Variants in RBM4 observed in about 807,000 individuals in gnomAD.
RBM4 encodes the protein RNA binding motif protein 4.
In RBM4, 7 loss-of-function variants were observed where a neutral mutation model predicts 29.5. That is an observed-to-expected ratio of 0.24 (90% CI 0.14 to 0.45). The LOEUF (loss-of-function observed/expected upper bound fraction) is 0.45, where lower values mean the gene tolerates loss of function less well. Among genes scored for constraint, RBM4 ranks in the 20% least tolerant of loss-of-function variants. The pLI, the probability that RBM4 is intolerant of heterozygous loss-of-function variation, is 1.00. For synonymous variants in RBM4, 220 were observed against 205.4 expected (o/e 1.07, Z -0.61); for missense variants, 387 against 502.3 (o/e 0.77, Z 2.19).
intron 1 of RBM4, 42 bp downstream of exon 1, chr11:66,638,794 T>TA (rs1315844350): frequency 1.3e-5 from 2 of 152,446 alleles, no homozygotes; most frequent in Non-Finnish European, 2.9e-5. Context: ...TGTACTGTGT[T>TA]AAATCTTCTC....
chr11:66,655,611 A>G (rs1938934842), intron 2 of RBM4, among the ~76,000 whole-genome samples: 1 of 152,200 alleles, frequency 6.6e-6, no homozygotes, highest in African/African-American at 2.4e-5. Context: ...AGATTTGAGC[A>G]ATGAGTTGAA....
chr11:66,648,790 G>GGGACAA (rs1938763258), downstream of RBM4, among the ~76,000 whole-genome samples: 1 of 151,698 alleles, frequency 6.6e-6, no homozygotes, highest in African/African-American at 2.4e-5. Flanking sequence ...TCAAGCCTGG[G>GGGACAA]GGACAAGGGC....
intron 2 of RBM4, among the ~76,000 whole-genome samples, chr11:66,659,526 G>A (rs1235857100): frequency 1.3e-5 from 2 of 151,838 alleles, no homozygotes; most frequent in African/African-American, 4.8e-5. Context: ...GGTTCTGCCC[G>A]CCTTGGCCTC....
Position 66,640,520 on chromosome 11 carries a change from C to A in RBM4, c.412+397C>A, listed in dbSNP as rs1316384274. On this transcript the variant is annotated intron_variant, in intron 2 of 3. Transcript: ENST00000310092. ...AGAATTCTGCATTTTACGTGAAGAA[C>A]CTCTCAAAAACATGTCAAGCGACAC... 7.8e-6 allele frequency: 3 copies of A among 382,984 alleles called. No homozygotes were observed. The Admixed American group carries it at 1.2e-4, about 16-fold the overall frequency. 23.7% of individuals were successfully genotyped at this position (382,984 alleles called of 1,614,324 possible). A position where few individuals can be genotyped will look rare whatever the true frequency, so the allele number is the denominator to read the frequency against.
In RBM4 at chr11:66,643,592, C is replaced by G; in HGVS notation, c.555C>G (p.Asp185Glu). ...CPIDRSGRVA[D>E]LTEQYNEQYG... Reference sequence around the variant, plus strand: ...TAGATCGTTCAGGCCGCGTGGCAGACTTGACCGAGCAATATAATGAGCAAT... The same window carrying G: ...TAGATCGTTCAGGCCGCGTGGCAGAGTTGACCGAGCAATATAATGAGCAAT... The change falls in exon 3 of 4, where the codon GAC becomes GAG. Residue 185 changes from aspartate to glutamate, a missense_variant. Coordinates refer to ENST00000310092, the MANE Select transcript of RBM4 (RefSeq NM_002896.4). This position sits in a 1 kb window ranked among gnomAD's most constrained non-coding sequence, Gnocchi z 6.1. The G allele has an allele frequency of 6.2e-7, 1 of 1,614,214 alleles. No individual in the cohort carries two copies. The highest frequency in any genetic ancestry group is 8.5e-7 in the Non-Finnish European group (1 of 1,180,048).
chr11:66,664,013 CTTT>C (rs1939144204), intron 2 of RBM4, among the ~76,000 whole-genome samples: 1 of 151,898 alleles, frequency 6.6e-6, no homozygotes, highest in African/African-American at 2.4e-5. Flanking sequence ...AACCTAAATC[CTTT>C]TTTGTTGTTT....
chr11:66,663,507 G>A (rs1939124391), intron 2 of RBM4, among the ~76,000 whole-genome samples: 2 of 152,102 alleles, frequency 1.3e-5, no homozygotes, highest in African/African-American at 4.8e-5. Flanking sequence ...TGGGACTACA[G>A]GCGCCCGCCA....
chr11:66,640,142 G>A lies in RBM4; in HGVS notation c.412+19G>A, dbSNP rs754595873. ...TTTCAAGGTGAACCACCCTCTTTGG[G>A]TAGAGGGCTGAACACAAGGCTGTGT... On this transcript the variant is annotated intron_variant, in intron 2 of 3. Transcript: ENST00000310092. The A allele has an allele frequency of 1.2e-6, 2 of 1,614,124 alleles. No individual in the cohort carries two copies. The highest frequency in any genetic ancestry group is 1.7e-6 in the Non-Finnish European group (2 of 1,179,964).
At position 66,643,718 on chromosome 11, in the gene RBM4, T is replaced by C; in HGVS notation, c.681T>C (p.Ala227=). 1 of 1,614,160 alleles carries C rather than the reference T, an allele frequency of 6.2e-7. No individual in the cohort carries two copies. The highest frequency in any genetic ancestry group is 8.5e-7 in the Non-Finnish European group (1 of 1,180,022). ...ATGCCTACTACAAGCGCTGCCGTGC[T>C]GCCCGGTCCTATGAGGCAGTGGCAG... The part of the protein sequence containing the change: ...ALDAYYKRCR[A]ARSYEAVAAA... Residue 227 remains alanine (A), a synonymous_variant, in exon 3 of 4, where the codon GCT becomes GCC. Coordinates refer to ENST00000310092, the MANE Select transcript of RBM4 (RefSeq NM_002896.4). This position sits in a 1 kb window ranked among gnomAD's most constrained non-coding sequence, Gnocchi z 6.1.
Position 66,639,972 on chromosome 11 carries a change from C to T in RBM4, c.261C>T (p.Pro87=), listed in dbSNP as rs1053311078. The T allele has an allele frequency of 6.2e-7, 1 of 1,614,054 alleles. No individual in the cohort carries two copies. The highest frequency in any genetic ancestry group is 8.5e-7 in the Non-Finnish European group (1 of 1,180,048). The change falls in exon 2 of 4, where the codon CCC becomes CCT. Residue 87 remains proline, a synonymous_variant. Coordinates refer to ENST00000310092, the MANE Select transcript of RBM4 (RefSeq NM_002896.4). ...STKLHVGNIS[P]TCTNKELRAK... ...AGTTGCATGTGGGCAACATCAGTCC[C>T]ACCTGCACCAATAAGGAGCTTCGAG...
At chr11:66,652,584 C>CT (rs564825170) in intron 2 of RBM4, among the ~76,000 whole-genome samples, 287 of 152,292 alleles carry the variant, frequency 1.9e-3, no homozygotes, top group African/African-American at 6.2e-3. Flanking sequence ...GCTAAGAACT[C>CT]TATTTTGTCA....
chr11:66,644,865 C>G, intron 3 of RBM4: 4 of 202,784 alleles, frequency 2.0e-5, no homozygotes, highest in Non-Finnish European at 3.5e-5. Context: ...GAATAGAGTG[C>G]CCACTCCATT....
In RBM4 at chr11:66,643,949, C is replaced by T. The variant is rs777866630; in HGVS notation, c.912C>T (p.Tyr304=). The change falls in exon 3 of 4, where the codon TAC becomes TAT. Residue 304 remains tyrosine (Y), a synonymous_variant. Transcript: ENST00000310092. The surrounding 1 kb of genome is among the most constrained non-coding windows in gnomAD (Gnocchi z 6.1). The stretch of plus-strand genomic sequence containing the variant: ...TTACTGCAGCTTCCACTTCATATTA[C>T]GGGCGGGATCGGAGCCCCCTGCGTC... The part of the protein sequence containing the change: ...AAVTAASTSY[Y]GRDRSPLRRA... The T allele has an allele frequency of 9.9e-6, 16 of 1,613,046 alleles. No homozygotes were observed. The highest frequency in any genetic ancestry group is 1.7e-5 in the Admixed American group (1 of 60,020).
chr11:66,640,321 G>A, intron 2 of RBM4, 198 bp downstream of exon 2: 2 of 704,650 alleles, frequency 2.8e-6, no homozygotes, highest in Non-Finnish European at 4.6e-6. Flanking sequence ...GTCTCCTGGA[G>A]AAAAGCCACT....
chr11:66,665,451 T>C (rs1236415767), intron 2 of RBM4: 2 of 739,892 alleles, frequency 2.7e-6, no homozygotes, highest in East Asian at 2.7e-5. Flanking sequence ...AAAGAAAACA[T>C]AGTTGGTCAC....
Position 66,639,888 on chromosome 11 carries a change from G to C in RBM4, c.177G>C (p.Lys59Asn). 6.2e-7 allele frequency: 1 copy of C among 1,614,144 alleles called. No homozygotes were observed. Among genetic ancestry groups the C allele is most frequent in the Non-Finnish European group, 8.5e-7 (1 of 1,180,028 alleles). The change falls in exon 2 of 4, where the codon AAG (lysine) becomes AAC (asparagine). Residue 59 changes from lysine (K) to asparagine (N), a missense_variant. This residue lies in a region of RBM4 where 106 missense variants were observed against 213.6 expected (regional missense o/e 0.50). Transcript: ENST00000310092. ...EDAIRNLHHY[K>N]LHGVNINVEA... ...CCATACGCAACCTGCACCATTACAA[G>C]CTTCATGGGGTGAACATCAACGTGG...
chr11:66,649,783 C>T (rs1373853442), downstream of RBM4: 8 of 701,310 alleles, frequency 1.1e-5, no homozygotes, highest in South Asian at 7.4e-5. Context: ...ATGATTGTAG[C>T]TCACTGTAAC....
chr11:66,645,504 A>G (rs1369333762), intron 3 of RBM4, among the ~76,000 whole-genome samples: 2 of 152,136 alleles, frequency 1.3e-5, no homozygotes, highest in African/African-American at 4.8e-5. Flanking sequence ...CTTCTTTCCA[A>G]AGTTAGTTTC....
intron 2 of RBM4, chr11:66,640,335 C>G (rs1938388503): frequency 1.5e-6 from 1 of 664,734 alleles, no homozygotes; most frequent in Non-Finnish European, 2.5e-6. Context: ...AGCCACTCAC[C>G]TTTTATTTGG....
Sources: gnomAD v4.1 joint callset for allele counts (sites outside exome capture counted in the v4.1 genomes callset) on GRCh38, gnomAD v4.1.1 for gene constraint, gnomAD v4.1.1 regional missense constraint, Gnocchi (gnomAD v3.1) non-coding constraint, MANE v1.5 for transcripts, NCBI Gene and HGNC (gene_info 2026-07-23, HGNC 2026-07-21) for gene names.